Variants in RYR2 observed in about 807,000 individuals in gnomAD.
RYR2 encodes cardiac muscle ryanodine receptor-calcium release channel.
Under a neutral mutation model 601.1 loss-of-function variants are expected in RYR2, and 227 were observed. The observed-to-expected ratio is 0.38, with a 90% CI of 0.34 to 0.42. The LOEUF is 0.42. Ranked by LOEUF, RYR2 falls within the 10% of genes least tolerant of loss-of-function variation. RYR2 has a pLI of 1.00. For synonymous variants in RYR2, 2,223 were observed against 2,175.1 expected, an observed-to-expected ratio of 1.02 and a Z score of -0.61; for missense variants, 4,646 against 6,156.5, an observed-to-expected ratio of 0.75 and a Z score of 8.21.
chr1:237,337,577 G>A (rs2149598008), intron 3 of RYR2, among the ~76,000 whole-genome samples: 1 of 152,144 alleles, frequency 6.6e-6, no homozygotes, highest in Non-Finnish European at 1.5e-5. Flanking sequence ...TATAATGTGG[G>A]GAAAATAATA....
intron 3 of RYR2, among the ~76,000 whole-genome samples, chr1:237,354,572 C>T (rs567431313): frequency 5.9e-5 from 9 of 151,958 alleles, no homozygotes; most frequent in South Asian, 2.1e-4. Flanking sequence ...TATAAAAATT[C>T]GCCCTTTTAG....
intron 1 of RYR2, among the ~76,000 whole-genome samples, chr1:237,248,299 C>A (rs568618070): frequency 0.016 from 1,672 of 104,958 alleles, 148 homozygotes; most frequent in African/African-American, 0.069. Flanking sequence ...CCCCCCCCCC[C>A]AAAAATGATG....
chr1:237,165,865 G>C (rs964124881), intron 1 of RYR2, among the ~76,000 whole-genome samples: 1 of 152,060 alleles, frequency 6.6e-6, no homozygotes, highest in Non-Finnish European at 1.5e-5. Context: ...AGCCAGGCCT[G>C]GTGGCTCATG....
chr1:237,641,673 C>T (rs1344737163), intron 47 of RYR2, among the ~76,000 whole-genome samples: 2 of 152,084 alleles, frequency 1.3e-5, no homozygotes, highest in African/African-American at 4.8e-5. Context: ...TCCTGAGTAG[C>T]TGGGACTACA....
chr1:237,273,155 T>C lies in RYR2; in HGVS notation c.168+2539T>C, dbSNP rs559170631. ...AGTGGGAGCCCTGAGCTTGTTTTCC[T>C]GCTACTAGATGGCTATATCTGGGGG... is the stretch of plus-strand genomic sequence containing the variant. On this transcript the variant is annotated intron_variant, in intron 2 of 104. Coordinates refer to ENST00000366574, the MANE Select transcript of RYR2 (RefSeq NM_001035.3). 8.5e-5 allele frequency among the ~76,000 whole-genome samples: 13 copies of C among 152,220 alleles called. No individual in the cohort carries two copies. In the South Asian group the frequency reaches 2.7e-3, roughly 32 times the overall value.
At chr1:237,473,148 G>T (rs977612613) in intron 17 of RYR2, among the ~76,000 whole-genome samples, 1 of 152,110 alleles carries the variant, frequency 6.6e-6, no homozygotes, top group Admixed American at 6.5e-5. Flanking sequence ...TGGTGGGCGG[G>T]TGTGGTGGCT....
chr1:237,459,778 A>G (rs1265164148), intron 16 of RYR2, among the ~76,000 whole-genome samples: 1 of 152,178 alleles, frequency 6.6e-6, no homozygotes, highest in Non-Finnish European at 1.5e-5. Flanking sequence ...TAGACTTTAC[A>G]AAATGTTGGG....
chr1:237,511,907 T>A (rs1006361585), intron 24 of RYR2, 116 bp downstream of exon 24: 30 of 674,936 alleles, frequency 4.4e-5, no homozygotes, highest in Non-Finnish European at 6.5e-5. Context: ...GATTTTTAAT[T>A]CCAGCTAGAA....
chr1:237,639,317 C>A, intron 46 of RYR2, 116 bp downstream of exon 46: 2 of 1,011,720 alleles, frequency 2.0e-6, no homozygotes, highest in Non-Finnish European at 2.7e-6. Context: ...AAGATTTCTC[C>A]CTTTGAAAAT....
At chr1:237,115,704 C>T (rs1397788207) in intron 1 of RYR2, among the ~76,000 whole-genome samples, 1 of 152,186 alleles carries the variant, frequency 6.6e-6, no homozygotes, top group Non-Finnish European at 1.5e-5. Context: ...GTATCCGTGC[C>T]TCTGGGTGAG....
chr1:237,656,318 A>G (rs770031688), intron 53 of RYR2, among the ~76,000 whole-genome samples: 48 of 152,122 alleles, frequency 3.2e-4, no homozygotes, highest in Non-Finnish European at 6.5e-4. Flanking sequence ...CAACCTCTAT[A>G]TAACATCTTT....
intron 61 of RYR2, among the ~76,000 whole-genome samples, chr1:237,679,206 G>A (rs150859048): frequency 3.3e-5 from 5 of 152,070 alleles, no homozygotes; most frequent in Non-Finnish European, 7.4e-5. Flanking sequence ...TGCTGTATTC[G>A]CAGCCTCTAA....
chr1:237,330,964 C>T lies in RYR2; in HGVS notation c.255C>T (p.Thr85=), dbSNP rs1027845785. The change falls in exon 3 of 105, where the codon ACC becomes ACT. Residue 85 remains threonine, a synonymous_variant. Coordinates refer to ENST00000366574, the MANE Select transcript of RYR2 (RefSeq NM_001035.3). ...CGCTGCAGGAGATGCTGGCTAACAC[C>T]GTGGAGAAATCAGAAGGGGCAAGTA... is the stretch of plus-strand genomic sequence containing the variant. ...VRALQEMLAN[T]VEKSEGQVDV... The T allele has an allele frequency of 1.1e-5, 18 of 1,613,764 alleles. No homozygotes were observed. Among genetic ancestry groups the T allele is most frequent in the East Asian group, 4.5e-5 (2 of 44,884 alleles).
chr1:237,519,735 C>A (rs771772122), intron 24 of RYR2, among the ~76,000 whole-genome samples: 1 of 152,026 alleles, frequency 6.6e-6, no homozygotes, highest in Non-Finnish European at 1.5e-5. Flanking sequence ...CTTTTATTTA[C>A]CCCTCAGGAT....
chr1:237,197,012 A>AT (rs1381817493), intron 1 of RYR2, among the ~76,000 whole-genome samples: 2 of 152,042 alleles, frequency 1.3e-5, no homozygotes, highest in East Asian at 3.8e-4. Context: ...TAAGTGTGTC[A>AT]TTTTTTTCTT....
At chr1:237,088,751 G>A (rs1013901964) in intron 1 of RYR2, among the ~76,000 whole-genome samples, 1 of 152,126 alleles carries the variant, frequency 6.6e-6, no homozygotes, top group Admixed American at 6.5e-5. Context: ...TTCCAGCCTT[G>A]TTTTTGTGGT....
chr1:237,473,355 C>T (rs1029377808), intron 17 of RYR2, among the ~76,000 whole-genome samples: 11 of 151,926 alleles, frequency 7.2e-5, no homozygotes, highest in Admixed American at 2.6e-4. Context: ...ACTTGGGAGG[C>T]GGAGGTTGCG....
intron 80 of RYR2, among the ~76,000 whole-genome samples, chr1:237,749,528 T>C (rs941162105): frequency 1.3e-5 from 2 of 152,118 alleles, no homozygotes; most frequent in South Asian, 2.1e-4. Flanking sequence ...GTGGTGAACA[T>C]AAACAACACA....
rs1665307063 is a variant in RYR2, at chr1:237,506,788, A to G, written c.2692A>G (p.Ile898Val). Residue 898 changes from isoleucine to valine, a missense_variant, in exon 23 of 105, where the codon ATT (isoleucine) becomes GTT (valine). By Grantham distance (29) the Ile-to-Val change is conservative. Around this residue, in one of 17 missense-constraint regions of RYR2, gnomAD observed 1,807 missense variants for 2,088.1 expected, o/e 0.87. Transcript: ENST00000366574. ...NIHELWVMNK[I>V]ELGWQYGPVR... is the part of the protein sequence containing the mutation. The stretch of plus-strand genomic sequence containing the variant: ...CCATGAACTCTGGGTTATGAATAAA[A>G]TTGAGCTTGGCTGGCAGTATGGTCC... 6.2e-7 allele frequency: 1 copy of G among 1,613,790 alleles called. No homozygotes were observed. The highest frequency in any genetic ancestry group is 1.1e-5 in the South Asian group (1 of 91,060).
Sources: gnomAD v4.1 joint callset for allele counts (sites outside exome capture counted in the v4.1 genomes callset) on GRCh38, gnomAD v4.1.1 for gene constraint, gnomAD v4.1.1 regional missense constraint, MANE v1.5 for transcripts, NCBI Gene and HGNC (gene_info 2026-07-23, HGNC 2026-07-21) for gene names.